SCGN: variants seen among roughly 807,000 people sequenced by gnomAD.
SCGN encodes the protein secretagogin.
SCGN carries 30 observed loss-of-function variants against 39.7 expected under a neutral mutation model. The ratio of observed to expected loss-of-function variants is 0.76; its 90% confidence interval spans 0.57 to 1.03. The LOEUF (loss-of-function observed/expected upper bound fraction) is 1.03. Among genes scored for constraint, SCGN ranks in the 50% least tolerant of loss-of-function variants. The pLI is 0.00. For missense variants in SCGN, 353 were observed against 349.4 expected (o/e 1.01, Z -0.08); for synonymous variants, 106 against 114.1 (o/e 0.93, Z 0.45).
intron 10 of SCGN, among the ~76,000 whole-genome samples, chr6:25,698,045 C>CCTAT (rs1178199255): frequency 6.6e-6 from 1 of 152,152 alleles, no homozygotes; most frequent in African/African-American, 2.4e-5. Context: ...ACCTCAGGAA[C>CCTAT]CTATCTGCAC....
chr6:25,667,511 G>C (rs1246932689), intron 4 of SCGN, among the ~76,000 whole-genome samples: 1 of 152,142 alleles, frequency 6.6e-6, no homozygotes, highest in Non-Finnish European at 1.5e-5. Context: ...ACCAGCTCAT[G>C]TGCCATTATT....
At chr6:25,674,263 C>T (rs1459701562) in intron 6 of SCGN, among the ~76,000 whole-genome samples, 1 of 152,160 alleles carries the variant, frequency 6.6e-6, no homozygotes, top group Non-Finnish European at 1.5e-5. Flanking sequence ...AGAGTTTCCA[C>T]CCAAAGATTT....
chr6:25,679,102 C>T (rs1759602756), intron 6 of SCGN: 1 of 152,960 alleles, frequency 6.5e-6, no homozygotes, highest in Admixed American at 6.6e-5. Flanking sequence ...ATCGTCCCTC[C>T]ACCACCATCA....
In SCGN at chr6:25,689,236, C is replaced by A; in HGVS notation, c.573+19C>A. 2 of 1,555,004 alleles carry A rather than the reference C, an allele frequency of 1.3e-6. No homozygotes were observed. On this transcript the variant is annotated intron_variant, in intron 8 of 10. Coordinates refer to ENST00000377961, the MANE Select transcript of SCGN (RefSeq NM_006998.4). ...AATGGATGTAAGTAGTGACATTTCT[C>A]TAGATGGGTTTATGTCATTGCTGTT...
At chr6:25,669,624 G>C in intron 5 of SCGN, 57 bp downstream of exon 5, 2 of 1,420,894 alleles carry the variant, frequency 1.4e-6, no homozygotes, top group Non-Finnish European at 2.0e-6. Flanking sequence ...TGATATGTGT[G>C]TATCATGAGT....
In SCGN at chr6:25,689,527, G is replaced by A; in HGVS notation, c.628G>A (p.Asp210Asn). Residue 210 changes from aspartate (D) to asparagine (N), a missense_variant, in exon 9 of 11, where the codon GAT (aspartate) becomes AAT (asparagine). Physicochemically the swap from Asp to Asn is conservative, Grantham distance 23. Transcript: ENST00000377961. Reference protein sequence around the residue: ...RDFEKIFAYYDVSKTGALEGP... With the variant: ...RDFEKIFAYYNVSKTGALEGP... Reference sequence around the variant, plus strand: ...CTTTGAGAAAATCTTTGCCTACTATGATGTTGTAAGTGTGCGTCTTTATAC... The same window carrying A: ...CTTTGAGAAAATCTTTGCCTACTATAATGTTGTAAGTGTGCGTCTTTATAC... 4 of 1,613,536 alleles carry A rather than the reference G, an allele frequency of 2.5e-6. No homozygotes were observed. Among genetic ancestry groups the A allele is most frequent in the Non-Finnish European group, 3.4e-6 (4 of 1,179,506 alleles).
At chr6:25,657,449 C>T (rs895170305) in intron 2 of SCGN, among the ~76,000 whole-genome samples, 7 of 152,000 alleles carry the variant, frequency 4.6e-5, no homozygotes, top group Non-Finnish European at 1.0e-4. Flanking sequence ...ACAGTGAAGA[C>T]CCATAAGATA....
chr6:25,692,967 A>C (rs1759790944), intron 10 of SCGN, among the ~76,000 whole-genome samples: 1 of 152,086 alleles, frequency 6.6e-6, no homozygotes, highest in South Asian at 2.1e-4. Context: ...TTAATTCCAG[A>C]TCAGCCATTT....
At chr6:25,675,771 C>A (rs1167962292) in intron 6 of SCGN, among the ~76,000 whole-genome samples, 1 of 152,146 alleles carries the variant, frequency 6.6e-6, no homozygotes, top group East Asian at 1.9e-4. Flanking sequence ...TGATCCAGGC[C>A]AATCTGATGC....
In SCGN at chr6:25,652,253, G is replaced by T; in HGVS notation, c.-151G>T. On this transcript the variant is annotated 5_prime_UTR_variant, in exon 1 of 11. Coordinates refer to ENST00000377961, the MANE Select transcript of SCGN (RefSeq NM_006998.4). ...GGACGGCTCAGCGACGCCACGGCCA[G>T]CAGCGCTCGCGTCCTCCCCAGCAAC... is the stretch of plus-strand genomic sequence containing the variant. The T allele has an allele frequency of 1.5e-6, 1 of 652,938 alleles. No homozygotes were observed. 40.4% of individuals were successfully genotyped at this position (652,938 alleles called of 1,614,324 possible).
At chr6:25,681,126 G>C in intron 6 of SCGN, among the ~76,000 whole-genome samples, 1 of 152,122 alleles carries the variant, frequency 6.6e-6, no homozygotes, top group East Asian at 1.9e-4. Context: ...CTAATTTGTG[G>C]TTAGTGCAGA....
chr6:25,687,405 G>C (rs1759719301), intron 7 of SCGN, among the ~76,000 whole-genome samples: 2 of 151,972 alleles, frequency 1.3e-5, no homozygotes, highest in African/African-American at 4.8e-5. Flanking sequence ...AACCACTTTT[G>C]TTAAATTTAT....
chr6:25,669,918 A>G (rs748546035), intron 5 of SCGN, 81 bp from the exon 6 acceptor site: 36 of 1,119,958 alleles, frequency 3.2e-5, no homozygotes, highest in Non-Finnish European at 4.9e-5. Context: ...GCAACTCACA[A>G]TTCTTGAAAT....
chr6:25,684,107 G>GC (rs1353204167), intron 7 of SCGN, among the ~76,000 whole-genome samples: 1 of 152,116 alleles, frequency 6.6e-6, no homozygotes, highest in Non-Finnish European at 1.5e-5. Flanking sequence ...AACTAATAGG[G>GC]CCTTCTGCAT....
chr6:25,653,787 G>T (rs1177458149), intron 2 of SCGN, among the ~76,000 whole-genome samples: 1 of 152,158 alleles, frequency 6.6e-6, no homozygotes, highest in Admixed American at 6.5e-5. Context: ...AGCCCACTTT[G>T]TTCAAAAAGC....
At chr6:25,674,183 A>G (rs1759536916) in intron 6 of SCGN, among the ~76,000 whole-genome samples, 1 of 152,202 alleles carries the variant, frequency 6.6e-6, no homozygotes, top group South Asian at 2.1e-4. Flanking sequence ...GACAACATCC[A>G]AGCTATATCA....
chr6:25,656,141 C>A (rs1760223482), intron 2 of SCGN, among the ~76,000 whole-genome samples: 1 of 152,130 alleles, frequency 6.6e-6, no homozygotes, highest in African/African-American at 2.4e-5. Context: ...GCAGGACTTC[C>A]AAAATGGAAG....
chr6:25,696,077 T>C (rs1286823334), intron 10 of SCGN, among the ~76,000 whole-genome samples: 1 of 152,208 alleles, frequency 6.6e-6, no homozygotes, highest in East Asian at 1.9e-4. Context: ...TTTTCTCTGC[T>C]ATTGTCAGGA....
intron 7 of SCGN, among the ~76,000 whole-genome samples, chr6:25,684,460 C>A (rs564555071): frequency 2.0e-5 from 3 of 152,030 alleles, no homozygotes; most frequent in Non-Finnish European, 2.9e-5. Context: ...CAGTTTGATA[C>A]GGAATTTGAA....
Sources: allele counts gnomAD v4.1 joint callset (sites outside exome capture counted in the v4.1 genomes callset), GRCh38; gene constraint gnomAD v4.1.1; transcripts MANE v1.5; gene names NCBI Gene and HGNC (gene_info 2026-07-23, HGNC 2026-07-21).